Variants in NELL1 observed in about 807,000 individuals in gnomAD.
NELL1 encodes the protein protein kinase C-binding protein NELL1.
Under a neutral mutation model 107.4 loss-of-function variants are expected in NELL1, and 76 were observed. The observed-to-expected ratio is 0.71, with a 90% CI of 0.59 to 0.86. NELL1 has a LOEUF of 0.86. NELL1 is among the 40% of genes least tolerant of loss of function. The pLI is 0.00. For synonymous variants in NELL1, 353 were observed against 341.2 expected, an observed-to-expected ratio of 1.03 and a Z score of -0.38; for missense variants, 1,024 against 1,005.5, an observed-to-expected ratio of 1.02 and a Z score of -0.25.
intron 12 of NELL1, among the ~76,000 whole-genome samples, chr11:21,002,542 C>T (rs968473859): frequency 2.0e-5 from 3 of 152,120 alleles, no homozygotes; most frequent in African/African-American, 7.2e-5. Context: ...GGGTTAGCTA[C>T]ACTTAGGGAC....
At chr11:20,809,845 A>G (rs1014661432) in intron 3 of NELL1, among the ~76,000 whole-genome samples, 2 of 152,194 alleles carry the variant, frequency 1.3e-5, no homozygotes, top group Non-Finnish European at 2.9e-5. Flanking sequence ...TATCTCTTTG[A>G]CATACTGATT....
At chr11:20,996,941 T>C (rs1192135112) in intron 12 of NELL1, among the ~76,000 whole-genome samples, 1 of 152,180 alleles carries the variant, frequency 6.6e-6, no homozygotes, top group Non-Finnish European at 1.5e-5. Flanking sequence ...TCAACTTCCT[T>C]TTCCTATATT....
intron 13 of NELL1, among the ~76,000 whole-genome samples, chr11:21,180,443 C>CT (rs1238157333): frequency 1.5e-4 from 23 of 151,882 alleles, no homozygotes; most frequent in Non-Finnish European, 3.1e-4. Flanking sequence ...CAGAGATTCT[C>CT]TTTTGGCCTG....
At chr11:21,055,978 T>G (rs1270826246) in intron 12 of NELL1, among the ~76,000 whole-genome samples, 12 of 152,192 alleles carry the variant, frequency 7.9e-5, no homozygotes, top group Non-Finnish European at 1.5e-4. Context: ...GTCAATGTAT[T>G]ACCAACTGCT....
At chr11:20,807,482 T>C (rs562583686) in intron 3 of NELL1, among the ~76,000 whole-genome samples, 6 of 152,324 alleles carry the variant, frequency 3.9e-5, no homozygotes, top group Non-Finnish European at 5.9e-5. Flanking sequence ...ACTGGGACTA[T>C]GTTGAGTCAG....
At chr11:21,332,626 T>C (rs1850297811) in intron 14 of NELL1, among the ~76,000 whole-genome samples, 1 of 152,030 alleles carries the variant, frequency 6.6e-6, no homozygotes, top group African/African-American at 2.4e-5. Context: ...AGTCCTGTCT[T>C]TGATTTTTGT....
intron 2 of NELL1, among the ~76,000 whole-genome samples, chr11:20,727,402 G>C (rs1212434336): frequency 6.6e-6 from 1 of 152,164 alleles, no homozygotes; most frequent in East Asian, 1.9e-4. Flanking sequence ...CTTCTTTTGA[G>C]AAGTGTCTGT....
chr11:21,160,998 T>TACACAC, intron 13 of NELL1, among the ~76,000 whole-genome samples: 1 of 97,008 alleles, frequency 1.0e-5, no homozygotes, highest in Admixed American at 1.2e-4. Flanking sequence ...TGCTAGCCTT[T>TACACAC]ATACACACAC....
At chr11:21,518,317 T>C (rs1855625800) in intron 15 of NELL1, among the ~76,000 whole-genome samples, 1 of 152,116 alleles carries the variant, frequency 6.6e-6, no homozygotes, top group African/African-American at 2.4e-5. Context: ...GACAGAAATA[T>C]GGTGAAGCTC....
chr11:21,367,366 C>T (rs1851252432), intron 14 of NELL1, among the ~76,000 whole-genome samples: 2 of 151,838 alleles, frequency 1.3e-5, no homozygotes, highest in Non-Finnish European at 1.5e-5. Context: ...TATGAAGTCA[C>T]ATATCCATGG....
intron 15 of NELL1, among the ~76,000 whole-genome samples, chr11:21,469,702 G>C (rs1854124881): frequency 6.6e-6 from 1 of 152,052 alleles, no homozygotes; most frequent in African/African-American, 2.4e-5. Context: ...ATTGCTCAAA[G>C]TCCAGGAAAA....
At chr11:20,955,253 T>G (rs1305613468) in intron 11 of NELL1, among the ~76,000 whole-genome samples, 1 of 152,228 alleles carries the variant, frequency 6.6e-6, no homozygotes, top group Non-Finnish European at 1.5e-5. Context: ...AGTTAGACTC[T>G]TGCTCTGATT....
rs777884870 is a variant in NELL1, at chr11:21,560,375, C to T, written c.1973C>T (p.Ser658Phe). The change falls in exon 17 of 20, where the codon TCC becomes TTC. Residue 658 changes from serine (S) to phenylalanine (F), a missense_variant. Physicochemically the swap from Ser to Phe is radical, Grantham distance 155. Coordinates refer to ENST00000357134, the MANE Select transcript of NELL1 (RefSeq NM_006157.5). ...AAAGAAGACAGGTGTTCTGTCTGCT[C>T]CTGCAAGGTGAGGCTGATGTGGTGC... ...TLKEDRCSVC[S>F]CKDGKIFCRR... 2.5e-6 allele frequency: 4 copies of T among 1,576,356 alleles called. No individual in the cohort carries two copies. The highest frequency in any genetic ancestry group is 3.4e-6 in the Non-Finnish European group (4 of 1,163,142).
At chr11:20,711,263 A>G (rs1855107309) in intron 2 of NELL1, among the ~76,000 whole-genome samples, 1 of 152,132 alleles carries the variant, frequency 6.6e-6, no homozygotes, top group Admixed American at 6.5e-5. Flanking sequence ...ACCTTTAGTT[A>G]GTGTGAGTCC....
chr11:21,439,537 T>C (rs1485833648), intron 15 of NELL1, among the ~76,000 whole-genome samples: 2 of 152,182 alleles, frequency 1.3e-5, no homozygotes, highest in Non-Finnish European at 1.5e-5. Flanking sequence ...TAGGTCAAGC[T>C]GTCACTGTGA....
intron 13 of NELL1, among the ~76,000 whole-genome samples, chr11:21,131,198 GATA>G (rs944659507): frequency 1.3e-5 from 2 of 151,902 alleles, no homozygotes; most frequent in African/African-American, 2.4e-5. Flanking sequence ...CTAATATGAG[GATA>G]ATAATAATAA....
At chr11:21,252,406 C>T (rs1435714856) in intron 14 of NELL1, among the ~76,000 whole-genome samples, 1 of 152,048 alleles carries the variant, frequency 6.6e-6, no homozygotes, top group Non-Finnish European at 1.5e-5. Context: ...ATCAGGGATC[C>T]AGAAGCACAG....
intron 15 of NELL1, among the ~76,000 whole-genome samples, chr11:21,374,337 C>T (rs574325641): frequency 1.2e-4 from 19 of 152,012 alleles, no homozygotes; most frequent in Non-Finnish European, 2.6e-4. Context: ...GTTGGGGAGT[C>T]TGTTTCCAAG....
At chr11:21,291,310 C>T (rs569092536) in intron 14 of NELL1, among the ~76,000 whole-genome samples, 79 of 152,224 alleles carry the variant, frequency 5.2e-4, no homozygotes, top group Middle Eastern at 3.4e-3. Flanking sequence ...AAAGACACAA[C>T]GTACCAGAAT....
Sources: allele counts gnomAD v4.1 joint callset (sites outside exome capture counted in the v4.1 genomes callset), GRCh38; gene constraint gnomAD v4.1.1; transcripts MANE v1.5; gene names NCBI Gene and HGNC (gene_info 2026-07-23, HGNC 2026-07-21).